The following RNF150 variants were observed in gnomAD, a reference collection of about 807,000 sequenced individuals.
The protein encoded by RNF150 is ring finger protein 150.
A neutral mutation model predicts 39.3 loss-of-function variants in RNF150; 24 were observed. The ratio of observed to expected loss-of-function variants is 0.61; its 90% CI spans 0.44 to 0.86. The LOEUF is 0.86. RNF150 is among the 40% of genes least tolerant of loss of function. The pLI, the probability that RNF150 is intolerant of heterozygous loss-of-function variation, is 0.00. For synonymous variants in RNF150, 255 were observed against 227.3 expected (o/e 1.12, Z -1.10); for missense variants, 502 against 587.8 (o/e 0.85, Z 1.51).
At chr4:141,199,043 C>T (rs896278792) in intron 1 of RNF150, among the ~76,000 whole-genome samples, 2 of 151,940 alleles carry the variant, frequency 1.3e-5, no homozygotes, top group African/African-American at 2.4e-5. Context: ...AAACAAACAA[C>T]CCAATAAAAA....
intron 2 of RNF150, among the ~76,000 whole-genome samples, chr4:140,961,921 G>A (rs907576553): frequency 6.6e-6 from 1 of 152,038 alleles, no homozygotes. Context: ...GTAACATAAT[G>A]ATTGAAGTCA....
At chr4:140,917,773 T>C (rs1424363252) in intron 5 of RNF150, among the ~76,000 whole-genome samples, 1 of 150,940 alleles carries the variant, frequency 6.6e-6, no homozygotes, top group Non-Finnish European at 1.5e-5. Context: ...TATTCCAAAA[T>C]TGACCACATA....
chr4:141,046,745 T>C (rs529713858), intron 1 of RNF150, among the ~76,000 whole-genome samples: 1 of 152,286 alleles, frequency 6.6e-6, no homozygotes, highest in Non-Finnish European at 1.5e-5. Flanking sequence ...TAGGGAATTA[T>C]TACAAGAGAG....
chr4:141,144,696 A>G (rs531050471), intron 1 of RNF150, among the ~76,000 whole-genome samples: 1 of 152,318 alleles, frequency 6.6e-6, no homozygotes, highest in African/African-American at 2.4e-5. Flanking sequence ...ATCAGAGGAA[A>G]TGTAGGAAAA....
At chr4:141,086,010 C>T (rs4956503) in intron 1 of RNF150, among the ~76,000 whole-genome samples, 10 of 150,524 alleles carry the variant, frequency 6.6e-5, no homozygotes, top group South Asian at 2.1e-4. Flanking sequence ...GGAGCTTAAA[C>T]GATAAGTGAG....
At chr4:140,990,695 C>A (rs979743542) in intron 1 of RNF150, among the ~76,000 whole-genome samples, 84 of 152,182 alleles carry the variant, frequency 5.5e-4, no homozygotes, top group African/African-American at 2.0e-3. Flanking sequence ...CATAGTATTC[C>A]ATGGTGTATA....
rs149752182 is a variant in RNF150, at chr4:141,209,658, T to G, written c.-6+3136A>C. On this transcript the variant is annotated intron_variant, in intron 1 of 7. Coordinates refer to the RNF150 transcript ENST00000420921. ...TGATTGGGTTGCTTGTCTTTTTAAA[T>G]TTATTAAGAGTTCATAATTTCATCA... Among the ~76,000 whole-genome samples the G allele has an allele frequency of 1.8e-4, 28 of 152,278 alleles. No individual in the cohort carries two copies. In the East Asian group the frequency reaches 5.0e-3, roughly 27 times the overall value.
intron 1 of RNF150, among the ~76,000 whole-genome samples, chr4:141,025,868 T>G (rs1735676126): frequency 6.6e-6 from 1 of 152,112 alleles, no homozygotes; most frequent in South Asian, 2.1e-4. Context: ...CTCTAAAAAT[T>G]TTTATGTTGA....
chr4:140,945,218 C>A (rs910166523), intron 4 of RNF150, among the ~76,000 whole-genome samples: 1 of 152,142 alleles, frequency 6.6e-6, no homozygotes, highest in Non-Finnish European at 1.5e-5. Context: ...TGAAGCCAAA[C>A]TAAACTAGCC....
chr4:141,200,262 G>A (rs1204918959), intron 1 of RNF150, among the ~76,000 whole-genome samples: 1 of 152,106 alleles, frequency 6.6e-6, no homozygotes, highest in East Asian at 1.9e-4. Flanking sequence ...AGTGGAAAAG[G>A]TGAGAGAGTT....
intron 5 of RNF150, among the ~76,000 whole-genome samples, chr4:140,924,069 C>T (rs1019170879): frequency 6.6e-6 from 1 of 152,060 alleles, no homozygotes; most frequent in Non-Finnish European, 1.5e-5. Context: ...CATGTATACA[C>T]ATGCAACAAA....
At chr4:141,210,667 C>A (rs938650612) in intron 1 of RNF150, among the ~76,000 whole-genome samples, 1 of 152,056 alleles carries the variant, frequency 6.6e-6, no homozygotes, top group Non-Finnish European at 1.5e-5. Flanking sequence ...GTCACCCTTA[C>A]AGTTTGAAAT....
chr4:140,933,109 G>A (rs747239482), intron 4 of RNF150, among the ~76,000 whole-genome samples: 13 of 152,198 alleles, frequency 8.5e-5, no homozygotes, highest in Non-Finnish European at 1.3e-4. Context: ...GGGGATAATG[G>A]TAATATTAAC....
At chr4:141,189,615 A>G (rs1342473218) in intron 1 of RNF150, among the ~76,000 whole-genome samples, 3 of 152,132 alleles carry the variant, frequency 2.0e-5, no homozygotes, top group African/African-American at 7.2e-5. Context: ...AGGAATCTAG[A>G]GAGGCAGTCT....
rs1728773736 is a variant in RNF150, at chr4:140,867,859, A to C, written c.*402T>G. 1.2e-5 allele frequency: 2 copies of C among 160,226 alleles called. No individual in the cohort carries two copies. Among genetic ancestry groups the C allele is most frequent in the African/African-American group, 4.8e-5 (2 of 41,770 alleles). The allele number at this position is 160,226 out of a possible 1,614,324, so 9.9% of individuals were successfully genotyped here. A position where few individuals can be genotyped will look rare whatever the true frequency, so the allele number is the denominator to read the frequency against. ...AAACAAAGGAATAGATGGAAAGTAA[A>C]CTACAAATAATCTTTAAAAAAATTG... On this transcript the variant is annotated 3_prime_UTR_variant, in exon 7 of 7. Transcript: ENST00000515673.
intron 1 of RNF150, among the ~76,000 whole-genome samples, chr4:141,111,972 T>C (rs910604208): frequency 6.6e-6 from 1 of 152,190 alleles, no homozygotes; most frequent in Non-Finnish European, 1.5e-5. Flanking sequence ...AAAGAACTGA[T>C]TTATTTATAA....
intron 1 of RNF150, among the ~76,000 whole-genome samples, chr4:140,998,380 A>G (rs1734461799): frequency 6.6e-6 from 1 of 152,232 alleles, no homozygotes. Context: ...TGCCACACAC[A>G]GAGGCAAGGC....
At chr4:141,062,911 A>C (rs1737294739) in intron 1 of RNF150, among the ~76,000 whole-genome samples, 1 of 152,220 alleles carries the variant, frequency 6.6e-6, no homozygotes, top group East Asian at 1.9e-4. Flanking sequence ...GCTCCCACTT[A>C]TAAGTGAGAA....
intron 1 of RNF150, among the ~76,000 whole-genome samples, chr4:141,111,262 A>C (rs1360431029): frequency 6.6e-6 from 1 of 152,190 alleles, no homozygotes; most frequent in Admixed American, 6.5e-5. Context: ...TAAGGCAATA[A>C]ACTTTTAGGG....
Sources: gnomAD v4.1 joint callset for allele counts (sites outside exome capture counted in the v4.1 genomes callset) on GRCh38, gnomAD v4.1.1 for gene constraint, MANE v1.5 for transcripts, NCBI Gene and HGNC (gene_info 2026-07-23, HGNC 2026-07-21) for gene names.